Variants in FOXP2 observed in about 807,000 individuals in gnomAD.
FOXP2 encodes forkhead box protein P2.
FOXP2 carries 12 observed loss-of-function variants against 115.8 expected under a neutral mutation model. The ratio of observed to expected loss-of-function variants is 0.10; its 90% CI spans 0.07 to 0.17. The LOEUF is 0.17. Among genes scored for constraint, FOXP2 ranks in the 10% least tolerant of loss-of-function variants. FOXP2 has a pLI of 1.00. For synonymous variants in FOXP2, 328 were observed against 297.7 expected (o/e 1.10, Z -1.05); for missense variants, 629 against 843.5 (o/e 0.75, Z 3.15).
chr7:114,571,392 A>G (rs10269986), intron 3 of FOXP2, among the ~76,000 whole-genome samples: 79,672 of 151,688 alleles, frequency 0.53, 21,414 homozygotes, highest in East Asian at 0.75. Context: ...CATAGCAGTT[A>G]TCCTTGGAAA....
intron 2 of FOXP2, among the ~76,000 whole-genome samples, chr7:114,393,122 A>AG (rs1282725132): frequency 6.6e-6 from 1 of 152,174 alleles, no homozygotes; most frequent in Non-Finnish European, 1.5e-5. Flanking sequence ...ATAGAATATC[A>AG]GGGTGATGTG....
At chr7:114,108,195 T>G (rs900871657) in intron 1 of FOXP2, among the ~76,000 whole-genome samples, 3 of 151,942 alleles carry the variant, frequency 2.0e-5, no homozygotes, top group African/African-American at 7.2e-5. Context: ...GACACATCCA[T>G]TTTTGTTTGT....
intron 8 of FOXP2, among the ~76,000 whole-genome samples, chr7:114,650,158 A>T (rs7795372): frequency 0.12 from 17,550 of 152,156 alleles, 1,431 homozygotes; most frequent in African/African-American, 0.23. Context: ...AAGTATATAA[A>T]GCAAACATTT....
chr7:114,262,694 C>T (rs1189444246), intron 1 of FOXP2, among the ~76,000 whole-genome samples: 1 of 152,120 alleles, frequency 6.6e-6, no homozygotes, highest in Non-Finnish European at 1.5e-5. Context: ...TGGCTAGAAC[C>T]TACCAATATT....
At chr7:114,412,206 A>T (rs1187304962), upstream of FOXP2, among the ~76,000 whole-genome samples, 1 of 152,158 alleles carries the variant, frequency 6.6e-6, no homozygotes, top group East Asian at 1.9e-4. Context: ...GGAAGATATA[A>T]GTTAAAATTT....
intron 3 of FOXP2, among the ~76,000 whole-genome samples, chr7:114,581,075 GCACACACACACACACA>G (rs3028257): frequency 6.9e-6 from 1 of 144,664 alleles, no homozygotes; most frequent in Non-Finnish European, 1.5e-5. Context: ...ATAAACACAT[GCACACACACACACACA>G]CACACACACA....
chr7:114,303,416 T>C (rs1032324129), intron 2 of FOXP2, among the ~76,000 whole-genome samples: 1 of 152,202 alleles, frequency 6.6e-6, no homozygotes, highest in Admixed American at 6.5e-5. Flanking sequence ...TCTTCACTTA[T>C]AAAGTGAATT....
chr7:114,663,392 TG>T, intron 14 of FOXP2, 57 bp from the exon 15 acceptor site: 1 of 1,231,896 alleles, frequency 8.1e-7, no homozygotes, highest in Non-Finnish European at 1.2e-6. Flanking sequence ...CTGAGACTAT[TG>T]ATATCCACGT....
At chr7:114,331,203 A>T (rs1225783467) in intron 2 of FOXP2, among the ~76,000 whole-genome samples, 1 of 152,210 alleles carries the variant, frequency 6.6e-6, no homozygotes, top group Non-Finnish European at 1.5e-5. Context: ...GTAAACTGTA[A>T]ACATGTTCAT....
chr7:114,328,512 A>G (rs889180466), intron 2 of FOXP2, among the ~76,000 whole-genome samples: 2 of 152,164 alleles, frequency 1.3e-5, no homozygotes, highest in African/African-American at 2.4e-5. Flanking sequence ...CTGGGATTAC[A>G]GGCGTGAGCC....
chr7:114,178,831 A>C (rs1315602280), intron 1 of FOXP2, among the ~76,000 whole-genome samples: 1 of 151,850 alleles, frequency 6.6e-6, no homozygotes, highest in Non-Finnish European at 1.5e-5. Context: ...GTCAACCCCC[A>C]GTTTCTCTGT....
intron 1 of FOXP2, among the ~76,000 whole-genome samples, chr7:114,209,839 A>T (rs941146830): frequency 6.6e-6 from 1 of 151,922 alleles, no homozygotes; most frequent in East Asian, 1.9e-4. Flanking sequence ...ACTCCTTTTC[A>T]TTCTTTTTTC....
chr7:114,634,577 C>T (rs1805109785), intron 6 of FOXP2, among the ~76,000 whole-genome samples: 1 of 151,650 alleles, frequency 6.6e-6, no homozygotes, highest in Admixed American at 6.6e-5. Flanking sequence ...CTTCCATCTC[C>T]TAAGTATATG....
chr7:114,200,897 G>T (rs549322072), intron 1 of FOXP2, among the ~76,000 whole-genome samples: 2 of 152,176 alleles, frequency 1.3e-5, no homozygotes, highest in Non-Finnish European at 1.5e-5. Context: ...GCTCACGCCC[G>T]TAATCCCAGC....
At chr7:114,347,248 G>A (rs1791369186) in intron 2 of FOXP2, among the ~76,000 whole-genome samples, 1 of 151,806 alleles carries the variant, frequency 6.6e-6, no homozygotes, top group Non-Finnish European at 1.5e-5. Flanking sequence ...TGTTTCAGGG[G>A]CTTCCTTTGA....
intron 3 of FOXP2, among the ~76,000 whole-genome samples, chr7:114,565,718 A>G (rs1308593658): frequency 1.3e-5 from 2 of 152,130 alleles, no homozygotes; most frequent in African/African-American, 2.4e-5. Flanking sequence ...CATCTTCTCA[A>G]TGTTGTACAG....
chr7:114,386,141 C>T (rs546025389), intron 2 of FOXP2, among the ~76,000 whole-genome samples: 1 of 152,246 alleles, frequency 6.6e-6, no homozygotes, highest in East Asian at 1.9e-4. Flanking sequence ...GGATGGGAGT[C>T]GGCGGTGGGT....
chr7:114,494,149 A>C (rs1466027631), intron 2 of FOXP2, among the ~76,000 whole-genome samples: 1 of 152,164 alleles, frequency 6.6e-6, no homozygotes, highest in Non-Finnish European at 1.5e-5. Flanking sequence ...GCAATAACAA[A>C]GTAAAGTTTA....
rs113213202 is a variant in FOXP2 at position 114,223,489 on chromosome 7, TTA to T, written c.-102+60411_-102+60412del. The stretch of plus-strand genomic sequence containing the variant: ...AGGAATTCTTTATATATTATATACA[TTA>T]TATATATATTATATATAATATATAT... On this transcript the variant is annotated intron_variant, in intron 1 of 17. Coordinates refer to the FOXP2 transcript ENST00000634411. Among the ~76,000 whole-genome samples, 723 of 147,418 alleles carry T rather than the reference TTA, an allele frequency of 4.9e-3. 10 individuals carry two copies. The highest frequency in any genetic ancestry group is 0.016 in the African/African-American group (653 of 40,634).
Sources: gnomAD v4.1 joint callset for allele counts (sites outside exome capture counted in the v4.1 genomes callset) on GRCh38, gnomAD v4.1.1 for gene constraint, MANE v1.5 for transcripts, NCBI Gene and HGNC (gene_info 2026-07-23, HGNC 2026-07-21) for gene names.